The following LPA variants were observed in gnomAD, a reference collection of about 807,000 sequenced individuals.
LPA encodes lipoprotein(a).
LPA carries 199 observed loss-of-function variants against 197.9 expected under a neutral mutation model. That is an observed-to-expected ratio of 1.01 (90% CI 0.90 to 1.13). LPA has a LOEUF of 1.13. Ranked by LOEUF, LPA falls within the 50% of genes most tolerant of loss-of-function variation. The pLI is 0.00. For synonymous variants in LPA, 715 were observed against 639.5 expected (o/e 1.12, Z -1.78); for missense variants, 1,853 against 1,785.8 (o/e 1.04, Z -0.68).
chr6:160,605,203 G>C lies in LPA; in HGVS notation c.2788C>G (p.Pro930Ala). The C allele has an allele frequency of 1.2e-6, 2 of 1,613,494 alleles. No individual in the cohort carries two copies. The highest frequency in any genetic ancestry group is 8.5e-7 in the Non-Finnish European group (1 of 1,179,830). Residue 930 changes from proline to alanine, a missense_variant and splice_region_variant, in exon 18 of 39, where the codon CCA becomes GCA. Pro to Ala is a conservative substitution (Grantham distance 27). Around this residue, in one of 3 missense-constraint regions of LPA, gnomAD observed 1,737 missense variants for 1,504.4 expected, o/e 1.15. Coordinates refer to ENST00000316300, the MANE Select transcript of LPA (RefSeq NM_005577.4). ...PSLEAPSEQA[P>A]TEQRPGVQEC... The stretch of plus-strand genomic sequence containing the variant: ...TGCACCCCAGGCCTTTGCTCAGTTG[G>C]TGCTGAAATGAAAAGAAAAGAAATC...
rs770928237 is a variant in LPA at position 160,531,764 on chromosome 6, C to A, written c.6088G>T (p.Val2030Phe). The A allele has an allele frequency of 1.9e-6, 3 of 1,614,052 alleles. No individual in the cohort carries two copies. Among genetic ancestry groups the A allele is most frequent in the Non-Finnish European group, 2.5e-6 (3 of 1,179,990 alleles). ...PGVYARVSRF[V>F]TWIEGMMRNN ...CTCATCATTCCCTCAATCCAAGTAA[C>A]AAACCTTGAAACACGAGCATAGACA... The change falls in exon 39 of 39, where the codon GTT (valine) becomes TTT (phenylalanine). Residue 2030 changes from valine (V) to phenylalanine (F), a missense_variant. By Grantham distance (50) the Val-to-Phe change is conservative. Around this residue, in one of 3 missense-constraint regions of LPA, gnomAD observed 1,737 missense variants for 1,504.4 expected, o/e 1.15. Coordinates refer to ENST00000316300, the MANE Select transcript of LPA (RefSeq NM_005577.4).
rs1323398295 is a variant in LPA at position 160,605,199 on chromosome 6, G to T, written c.2792C>A (p.Thr931Asn). 1 of 1,613,724 alleles carries T rather than the reference G, an allele frequency of 6.2e-7. No individual in the cohort carries two copies. The highest frequency in any genetic ancestry group is 2.2e-5 in the East Asian group (1 of 44,870). The change falls in exon 18 of 39, where the codon ACT becomes AAT. Residue 931 changes from threonine (T) to asparagine (N), a missense_variant. By Grantham distance (65) the Thr-to-Asn change is moderately conservative. Transcript: ENST00000316300. ...SLEAPSEQAP[T>N]EQRPGVQECY... ...CTCCTGCACCCCAGGCCTTTGCTCA[G>T]TTGGTGCTGAAATGAAAAGAAAAGA...
chr6:160,598,800 T>C (rs1353419273), intron 20 of LPA, among the ~76,000 whole-genome samples: 1 of 152,172 alleles, frequency 6.6e-6, no homozygotes, highest in East Asian at 1.9e-4. Context: ...TGCCTCTCCA[T>C]AGATGTGCAA....
At chr6:160,643,083 A>AGTGTGTGTGTGT (rs767484310) in intron 4 of LPA, among the ~76,000 whole-genome samples, 16 of 131,118 alleles carry the variant, frequency 1.2e-4, no homozygotes, top group African/African-American at 4.2e-4. Context: ...GTGTGTTTTC[A>AGTGTGTGTGTGT]GTGTGTGTGT....
At chr6:160,602,162 A>G (rs562210045) in intron 18 of LPA, among the ~76,000 whole-genome samples, 40 of 152,332 alleles carry the variant, frequency 2.6e-4, no homozygotes, top group African/African-American at 9.6e-4. Flanking sequence ...CCTCCATTCC[A>G]GGAAGCTGGT....
At chr6:160,578,414 T>C in intron 27 of LPA, 109 bp downstream of exon 27, 2 of 1,381,652 alleles carry the variant, frequency 1.4e-6, no homozygotes, top group Non-Finnish European at 2.0e-6. Flanking sequence ...TCCTCCACAT[T>C]GCAGACCCTC....
intron 1 of LPA, among the ~76,000 whole-genome samples, chr6:160,656,340 T>A (rs1582904563): frequency 6.6e-6 from 1 of 152,200 alleles, no homozygotes; most frequent in South Asian, 2.1e-4. Flanking sequence ...ATAGCCCTCA[T>A]CCTACCAGTC....
intron 1 of LPA, among the ~76,000 whole-genome samples, chr6:160,656,540 C>T (rs1017111073): frequency 6.6e-6 from 1 of 152,192 alleles, no homozygotes; most frequent in Non-Finnish European, 1.5e-5. Context: ...ACCACAATAA[C>T]GTTTTGGGTA....
intron 24 of LPA, among the ~76,000 whole-genome samples, chr6:160,588,482 A>G (rs1274993156): frequency 6.6e-6 from 1 of 152,118 alleles, no homozygotes; most frequent in East Asian, 1.9e-4. Context: ...CCCCAGTGCT[A>G]TGTGAGCTCT....
At chr6:160,587,570 T>G (rs997133032) in intron 24 of LPA, among the ~76,000 whole-genome samples, 2 of 152,172 alleles carry the variant, frequency 1.3e-5, no homozygotes, top group African/African-American at 4.8e-5. Flanking sequence ...TCATTTAGCT[T>G]CTTGACTATG....
chr6:160,633,948 CT>C (rs1779740441), intron 7 of LPA, 36 bp from the exon 8 acceptor site: 2 of 1,305,472 alleles, frequency 1.5e-6, no homozygotes, highest in African/African-American at 1.6e-5. Context: ...CTGAGTATCT[CT>C]GAGAATAACG....
intron 30 of LPA, among the ~76,000 whole-genome samples, chr6:160,553,937 C>CTGTGTGTGTGTG (rs59853609): frequency 0.014 from 1,989 of 139,090 alleles, 23 homozygotes; most frequent in East Asian, 0.021. Flanking sequence ...CTCTCTCTCT[C>CTGTGTGTGTGTG]TGTGTGTGTG....
chr6:160,558,702 G>A (rs1778311293), intron 28 of LPA, among the ~76,000 whole-genome samples: 1 of 152,174 alleles, frequency 6.6e-6, no homozygotes, highest in Non-Finnish European at 1.5e-5. Context: ...TGAAGAGGTC[G>A]AGTGGCTACA....
chr6:160,609,495 C>A (rs1779434423), intron 16 of LPA, among the ~76,000 whole-genome samples: 1 of 152,068 alleles, frequency 6.6e-6, no homozygotes, highest in South Asian at 2.1e-4. Flanking sequence ...TACCTTTGAA[C>A]TGTGATGTAG....
intron 38 of LPA, 21 bp downstream of exon 38, chr6:160,532,510 G>T: frequency 6.5e-7 from 1 of 1,529,146 alleles, no homozygotes; most frequent in Non-Finnish European, 9.1e-7. Flanking sequence ...ACAAGACTTT[G>T]ATCTATTGAT....
chr6:160,585,852 G>T (rs79060090), intron 25 of LPA, among the ~76,000 whole-genome samples: 2 of 152,216 alleles, frequency 1.3e-5, no homozygotes, highest in South Asian at 2.1e-4. Context: ...GGAGATAAAT[G>T]TTCCATGAGA....
rs574290755 is a variant in LPA, at chr6:160,585,224, A to G, written c.4130-19T>C. ...GTTGGTGCTGAAATTAAAAGAGAAA[A>G]TCAAGCTCAGTATTGCCTAGAAAAG... On this transcript the variant is annotated intron_variant, in intron 25 of 38. Transcript: ENST00000316300. 1.9e-6 allele frequency: 3 copies of G among 1,613,556 alleles called. No homozygotes were observed. The highest frequency in any genetic ancestry group is 2.2e-5 in the East Asian group (1 of 44,850).
At chr6:160,646,847 C>T (rs1779890038) in intron 2 of LPA, among the ~76,000 whole-genome samples, 1 of 150,688 alleles carries the variant, frequency 6.6e-6, no homozygotes, top group Non-Finnish European at 1.5e-5. Flanking sequence ...GTGGGAGTTG[C>T]AACGAACATG....
At chr6:160,584,597 G>C (rs980285776) in intron 26 of LPA, among the ~76,000 whole-genome samples, 1 of 152,028 alleles carries the variant, frequency 6.6e-6, no homozygotes, top group African/African-American at 2.4e-5. Flanking sequence ...CTCCCAAAGT[G>C]TTGGGATCAC....
Sources: gnomAD v4.1 joint callset for allele counts (sites outside exome capture counted in the v4.1 genomes callset) on GRCh38, gnomAD v4.1.1 for gene constraint, gnomAD v4.1.1 regional missense constraint, MANE v1.5 for transcripts, NCBI Gene and HGNC (gene_info 2026-07-23, HGNC 2026-07-21) for gene names.